The following LPP variants were observed in gnomAD, a reference collection of about 807,000 sequenced individuals.
LPP encodes the protein lipoma-preferred partner.
In LPP, 38 loss-of-function variants were observed where a neutral mutation model predicts 60.4. The observed-to-expected ratio is 0.63, with a 90% CI of 0.49 to 0.83. The LOEUF is 0.83. Ranked by LOEUF, LPP falls within the 40% of genes least tolerant of loss-of-function variation. The pLI is 0.00. For synonymous variants in LPP, 328 were observed against 290.8 expected (o/e 1.13, Z -1.30); for missense variants, 902 against 783.6 (o/e 1.15, Z -1.80).
chr3:188,704,153 A>G (rs1303332977), intron 7 of LPP, among the ~76,000 whole-genome samples: 1 of 152,112 alleles, frequency 6.6e-6, no homozygotes, highest in South Asian at 2.1e-4. Context: ...AGGTGACACC[A>G]TATTTTGGGC....
intron 2 of LPP, among the ~76,000 whole-genome samples, chr3:188,235,232 T>G (rs186912328): frequency 3.5e-4 from 53 of 152,294 alleles, no homozygotes; most frequent in African/African-American, 1.2e-3. Flanking sequence ...TTGGGACCTC[T>G]GGAAGAGTTC....
chr3:188,729,839 G>C (rs532559069), intron 8 of LPP, among the ~76,000 whole-genome samples: 1 of 151,920 alleles, frequency 6.6e-6, no homozygotes, highest in Admixed American at 6.6e-5. Flanking sequence ...AAAAAAAATG[G>C]ATGGGCATGA....
intron 7 of LPP, among the ~76,000 whole-genome samples, chr3:188,654,185 A>T (rs143023734): frequency 5.1e-3 from 776 of 152,336 alleles, no homozygotes; most frequent in Middle Eastern, 0.014. Flanking sequence ...TGATTTGCAC[A>T]AATACACAAA....
chr3:188,431,663 C>G (rs1790923292), intron 4 of LPP, among the ~76,000 whole-genome samples: 1 of 152,106 alleles, frequency 6.6e-6, no homozygotes, highest in South Asian at 2.1e-4. Flanking sequence ...GGAAAGGACA[C>G]TCCCTGCATT....
intron 2 of LPP, among the ~76,000 whole-genome samples, chr3:188,313,112 A>G (rs1753963479): frequency 6.7e-6 from 1 of 149,066 alleles, no homozygotes; most frequent in African/African-American, 2.5e-5. Flanking sequence ...GTGCACATGT[A>G]CCCCAGAACT....
chr3:188,430,050 A>G (rs533174511), intron 4 of LPP, among the ~76,000 whole-genome samples: 7 of 152,228 alleles, frequency 4.6e-5, no homozygotes, highest in Admixed American at 1.3e-4. Flanking sequence ...AAGATCAAAA[A>G]TAAGTTAAAA....
intron 2 of LPP, among the ~76,000 whole-genome samples, chr3:188,298,317 G>C (rs1032954888): frequency 2.6e-5 from 4 of 152,004 alleles, no homozygotes; most frequent in Non-Finnish European, 5.9e-5. Context: ...TCACTCTCTG[G>C]GCCCCCTCCC....
intron 6 of LPP, among the ~76,000 whole-genome samples, chr3:188,539,706 T>A (rs1313490267): frequency 1.3e-5 from 2 of 152,172 alleles, no homozygotes; most frequent in African/African-American, 4.8e-5. Context: ...AAGTGTGTGT[T>A]TAATGTGAAA....
chr3:188,586,651 T>TG lies in LPP; in HGVS notation c.430-22509dup, dbSNP rs1837514814. Among the ~76,000 whole-genome samples the TG allele has an allele frequency of 3.3e-5, 5 of 152,250 alleles. No individual in the cohort carries two copies. In the South Asian group the frequency reaches 1.0e-3, roughly 32 times the overall value. On this transcript the variant is annotated intron_variant, in intron 6 of 11. Coordinates refer to ENST00000617246, the MANE Select transcript of LPP (RefSeq NM_001375462.1). ...TATGAGAAATGAAACTGCAGAATGCTGAGCAGTGTAATATGTGACAGTTCC... is the reference window on the plus strand; with the variant it reads ...TATGAGAAATGAAACTGCAGAATGCTGGAGCAGTGTAATATGTGACAGTTCC...
intron 4 of LPP, among the ~76,000 whole-genome samples, chr3:188,407,790 T>TGTTTTTTTTTTTTTTTTTTTTTTG (rs57499675): frequency 1.3e-5 from 1 of 76,324 alleles, no homozygotes; most frequent in African/African-American, 4.9e-5. Context: ...GTTTGTTTGT[T>TGTTTTTTTTTTTTTTTTTTTTTTG]TTTTTTTTTT....
At chr3:188,224,314 C>T (rs1716915826) in intron 1 of LPP, among the ~76,000 whole-genome samples, 2 of 152,094 alleles carry the variant, frequency 1.3e-5, no homozygotes, top group Non-Finnish European at 2.9e-5. Context: ...GTATGATTGG[C>T]TAGGTAATGT....
intron 2 of LPP, among the ~76,000 whole-genome samples, chr3:188,288,811 A>AT (rs1399489349): frequency 2.9e-5 from 1 of 34,128 alleles, no homozygotes; most frequent in Non-Finnish European, 5.6e-5. Flanking sequence ...CTCTCTCTCC[A>AT]CCCCCCACCC....
At chr3:188,422,203 A>G (rs1020781913) in intron 4 of LPP, among the ~76,000 whole-genome samples, 2 of 152,166 alleles carry the variant, frequency 1.3e-5, no homozygotes, top group Non-Finnish European at 2.9e-5. Context: ...CAACATTATT[A>G]CCAATGTTCC....
chr3:188,657,017 GA>G (rs1482721572), intron 7 of LPP, among the ~76,000 whole-genome samples: 1 of 152,120 alleles, frequency 6.6e-6, no homozygotes, highest in South Asian at 2.1e-4. Context: ...TACCTCCTTT[GA>G]AGATAATATT....
intron 6 of LPP, among the ~76,000 whole-genome samples, chr3:188,563,718 GTTTTTTTTTGT>G (rs967193244): frequency 2.1e-5 from 2 of 93,904 alleles, no homozygotes; most frequent in African/African-American, 6.7e-5. Context: ...AATTGCTTGT[GTTTTTTTTTGT>G]TTTTTTTTTG....
intron 5 of LPP, among the ~76,000 whole-genome samples, chr3:188,524,013 C>G (rs1262133488): frequency 6.6e-6 from 1 of 152,144 alleles, no homozygotes; most frequent in Non-Finnish European, 1.5e-5. Flanking sequence ...GCAGGTAATA[C>G]GAGGTTCTGA....
At chr3:188,172,621 A>C (rs1203131527) in intron 1 of LPP, among the ~76,000 whole-genome samples, 1 of 152,200 alleles carries the variant, frequency 6.6e-6, no homozygotes, top group Non-Finnish European at 1.5e-5. Context: ...AGGTTGATAG[A>C]AAAGTAAAAA....
At chr3:188,408,948 T>C (rs1784298926) in intron 4 of LPP, among the ~76,000 whole-genome samples, 1 of 152,176 alleles carries the variant, frequency 6.6e-6, no homozygotes, top group Non-Finnish European at 1.5e-5. Flanking sequence ...TATAAGAATA[T>C]ATATAAGCTT....
intron 3 of LPP, among the ~76,000 whole-genome samples, chr3:188,347,382 G>T (rs184605972): frequency 1.3e-5 from 2 of 152,238 alleles, no homozygotes; most frequent in South Asian, 4.1e-4. Context: ...AATAAAAAAA[G>T]CTAGATAATC....
Sources: allele counts gnomAD v4.1 joint callset (sites outside exome capture counted in the v4.1 genomes callset), GRCh38; gene constraint gnomAD v4.1.1; transcripts MANE v1.5; gene names NCBI Gene and HGNC (gene_info 2026-07-23, HGNC 2026-07-21).